Variants in ITPKB observed in about 807,000 individuals in gnomAD.
ITPKB encodes the protein inositol-trisphosphate 3-kinase B.
A neutral mutation model predicts 69.4 loss-of-function variants in ITPKB; 13 were observed. The ratio of observed to expected loss-of-function variants is 0.19; its 90% CI spans 0.12 to 0.30. ITPKB has a LOEUF of 0.30. Ranked by LOEUF, ITPKB falls within the 10% of genes least tolerant of loss-of-function variation. The pLI is 1.00. For missense variants in ITPKB, 1,240 were observed against 1,250.5 expected (o/e 0.99, Z 0.13); for synonymous variants, 584 against 513.7 (o/e 1.14, Z -1.85).
chr1:226,649,855 A>AC (rs1669152358), intron 2 of ITPKB, among the ~76,000 whole-genome samples: 1 of 150,146 alleles, frequency 6.7e-6, no homozygotes, highest in Non-Finnish European at 1.5e-5. Context: ...CAAAAAAACA[A>AC]AAAAAAAACA....
chr1:226,718,991 G>A (rs527654289), intron 2 of ITPKB, among the ~76,000 whole-genome samples: 80 of 152,296 alleles, frequency 5.3e-4, no homozygotes, highest in African/African-American at 1.8e-3. Flanking sequence ...AAAGTGAATC[G>A]GGGGCCGGCA....
At chr1:226,732,179 G>A (rs1435243747) in intron 2 of ITPKB, among the ~76,000 whole-genome samples, 1 of 151,336 alleles carries the variant, frequency 6.6e-6, no homozygotes, top group Non-Finnish European at 1.5e-5. Flanking sequence ...TGAAGCCAAG[G>A]GTTTTGTATT....
intron 6 of ITPKB, among the ~76,000 whole-genome samples, chr1:226,638,475 A>C (rs959453939): frequency 1.3e-5 from 2 of 152,164 alleles, no homozygotes; most frequent in South Asian, 4.1e-4. Flanking sequence ...ACTGTTCAGA[A>C]GGTGCCATTC....
At chr1:226,674,048 C>T (rs1333368964) in intron 2 of ITPKB, among the ~76,000 whole-genome samples, 1 of 152,148 alleles carries the variant, frequency 6.6e-6, no homozygotes, top group African/African-American at 2.4e-5. Context: ...CAGTTGCCAC[C>T]CCACTAACTC....
At chr1:226,712,881 T>C (rs1657003760) in intron 2 of ITPKB, among the ~76,000 whole-genome samples, 1 of 152,068 alleles carries the variant, frequency 6.6e-6, no homozygotes, top group Non-Finnish European at 1.5e-5. Flanking sequence ...TAAGCAGCTA[T>C]CAGCAAACCA....
intron 2 of ITPKB, among the ~76,000 whole-genome samples, chr1:226,734,831 G>C (rs536790723): frequency 7.2e-5 from 11 of 152,348 alleles, no homozygotes; most frequent in Admixed American, 2.0e-4. Context: ...ACCTACTCCG[G>C]AGATAACACT....
chr1:226,724,746 C>A (rs1025713549), intron 2 of ITPKB, among the ~76,000 whole-genome samples: 4 of 152,222 alleles, frequency 2.6e-5, no homozygotes, highest in African/African-American at 9.6e-5. Flanking sequence ...AGCAGAAAAA[C>A]CCCTGCCGAG....
intron 4 of ITPKB, among the ~76,000 whole-genome samples, chr1:226,644,222 G>A (rs1669019425): frequency 1.3e-5 from 2 of 152,246 alleles, no homozygotes; most frequent in South Asian, 4.1e-4. Flanking sequence ...TGTCCACAGG[G>A]GGTGCCAGCT....
intron 2 of ITPKB, among the ~76,000 whole-genome samples, chr1:226,690,986 C>T (rs1656335643): frequency 6.6e-6 from 1 of 152,182 alleles, no homozygotes; most frequent in Non-Finnish European, 1.5e-5. Flanking sequence ...CGCTGTATGA[C>T]TCCACTTATC....
chr1:226,703,476 G>A (rs1175162888), intron 2 of ITPKB, among the ~76,000 whole-genome samples: 1 of 152,208 alleles, frequency 6.6e-6, no homozygotes, highest in Admixed American at 6.5e-5. Context: ...TCTTCGCCGC[G>A]GTTTCTTCCC....
intron 2 of ITPKB, among the ~76,000 whole-genome samples, chr1:226,713,581 TG>T (rs1380216074): frequency 1.3e-5 from 2 of 152,198 alleles, no homozygotes; most frequent in African/African-American, 2.4e-5. Context: ...ACAAGGAGAA[TG>T]CTCCTTGGTG....
intron 2 of ITPKB, among the ~76,000 whole-genome samples, chr1:226,708,818 G>A (rs780888124): frequency 6.6e-6 from 1 of 152,272 alleles, no homozygotes; most frequent in Non-Finnish European, 1.5e-5. Context: ...GCAGTTTTCT[G>A]ATACTTGCAG....
chr1:226,650,515 C>T (rs1669166800), intron 2 of ITPKB, among the ~76,000 whole-genome samples: 1 of 152,254 alleles, frequency 6.6e-6, no homozygotes, highest in Admixed American at 6.5e-5. Context: ...CATAAACAAT[C>T]AGGGCACACA....
chr1:226,689,226 T>A (rs1656287183), intron 2 of ITPKB, among the ~76,000 whole-genome samples: 1 of 152,260 alleles, frequency 6.6e-6, no homozygotes, highest in African/African-American at 2.4e-5. Flanking sequence ...TTTTTGTTTT[T>A]CAAACAATCC....
At chr1:226,680,134 G>C (rs1656041131) in intron 2 of ITPKB, among the ~76,000 whole-genome samples, 1 of 152,204 alleles carries the variant, frequency 6.6e-6, no homozygotes, top group Non-Finnish European at 1.5e-5. Flanking sequence ...ACTAAGCTTG[G>C]GGAGGGGTTT....
At chr1:226,732,932 T>A (rs753203901) in intron 2 of ITPKB, among the ~76,000 whole-genome samples, 28 of 152,184 alleles carry the variant, frequency 1.8e-4, no homozygotes, top group Non-Finnish European at 3.8e-4. Flanking sequence ...CACCAAGTCA[T>A]ACACACTCAT....
chr1:226,654,006 G>A lies in ITPKB; in HGVS notation c.1933-5235C>T, dbSNP rs116194152. Among the ~76,000 whole-genome samples the A allele has an allele frequency of 4.2e-3, 638 of 152,306 alleles. 3 individuals carry two copies. Among genetic ancestry groups the A allele is most frequent in the African/African-American group, 0.014 (580 of 41,562 alleles). ...GAGTCTCGTGCTGAACTCCAGAAGCGCAGGGAAAGATGGAGCTTCAATTCA... is the reference window on the plus strand; with the variant it reads ...GAGTCTCGTGCTGAACTCCAGAAGCACAGGGAAAGATGGAGCTTCAATTCA... On this transcript the variant is annotated intron_variant, in intron 2 of 7. Coordinates refer to ENST00000429204, the MANE Select transcript of ITPKB (RefSeq NM_002221.4).
rs1009629370 is a variant in ITPKB at position 226,721,816 on chromosome 1, CT to C, written c.1932+13710del. Among the ~76,000 whole-genome samples, 59 of 139,892 alleles carry C rather than the reference CT, an allele frequency of 4.2e-4. 1 individual carries two copies. The highest frequency in any genetic ancestry group is 3.9e-3 in the Middle Eastern group (1 of 256). 91.8% of individuals were successfully genotyped at this position (139,892 alleles called of 152,430 possible). On this transcript the variant is annotated intron_variant, in intron 2 of 7. Transcript: ENST00000429204. The stretch of plus-strand genomic sequence containing the variant: ...GGCCTTTTTTTCTTTTCTTTTCTTT[CT>C]TTTTTTTTTTCTTGAGATGGAGTTT...
intron 2 of ITPKB, among the ~76,000 whole-genome samples, chr1:226,664,539 T>C (rs1669462281): frequency 6.6e-6 from 1 of 152,220 alleles, no homozygotes; most frequent in Non-Finnish European, 1.5e-5. Flanking sequence ...CACGGCCTCT[T>C]GCAGGCTCAG....
Sources: allele counts gnomAD v4.1 joint callset (sites outside exome capture counted in the v4.1 genomes callset), GRCh38; gene constraint gnomAD v4.1.1; transcripts MANE v1.5; gene names NCBI Gene and HGNC (gene_info 2026-07-23, HGNC 2026-07-21).